Variants in DHX9 observed in about 807,000 individuals in gnomAD.
DHX9 encodes the protein DExH-box helicase 9, also known as ATP-dependent RNA helicase A.
DHX9 carries 27 observed loss-of-function variants against 148.7 expected under a neutral mutation model. The ratio of observed to expected loss-of-function variants is 0.18; its 90% confidence interval spans 0.13 to 0.25. The LOEUF (loss-of-function observed/expected upper bound fraction) is 0.25, where lower values mean the gene tolerates loss of function less well. DHX9 is among the 10% of genes least tolerant of loss of function. DHX9 has a pLI of 1.00. For missense variants in DHX9, 796 were observed against 1,559.6 expected, an observed-to-expected ratio of 0.51 and a Z score of 8.25; for synonymous variants, 529 against 516.6, an observed-to-expected ratio of 1.02 and a Z score of -0.33.
At chr1:182,871,856 C>G (rs1648566183) in intron 14 of DHX9, among the ~76,000 whole-genome samples, 1 of 152,164 alleles carries the variant, frequency 6.6e-6, no homozygotes, top group Admixed American at 6.5e-5. Context: ...AGTTTGAGAC[C>G]AGCCTGGCCA....
chr1:182,881,211 C>A, intron 22 of DHX9, 53 bp from the exon 23 acceptor site: 1 of 1,563,378 alleles, frequency 6.4e-7, no homozygotes. Flanking sequence ...ACCTGAGCTG[C>A]TGGCAACAAC....
At chr1:182,882,381 C>A (rs1238396558) in intron 24 of DHX9, among the ~76,000 whole-genome samples, 2 of 152,212 alleles carry the variant, frequency 1.3e-5, no homozygotes, top group African/African-American at 2.4e-5. Context: ...GTCATGCTTT[C>A]CAGTCAGTAG....
chr1:182,850,858 T>A (rs1033680937), intron 3 of DHX9, among the ~76,000 whole-genome samples: 1 of 152,210 alleles, frequency 6.6e-6, no homozygotes, highest in African/African-American at 2.4e-5. Context: ...CCTCACCTAT[T>A]TTAATTGATT....
chr1:182,846,479 C>T (rs889543353), intron 3 of DHX9, among the ~76,000 whole-genome samples: 12 of 152,220 alleles, frequency 7.9e-5, no homozygotes, highest in Non-Finnish European at 1.5e-4. Context: ...GGTTATCTGC[C>T]CGCCTTGGCC....
At chr1:182,852,201 A>C (rs755361680) in intron 3 of DHX9, 32 bp from the exon 4 acceptor site, 2 of 1,492,308 alleles carry the variant, frequency 1.3e-6, no homozygotes, top group African/African-American at 2.8e-5. Flanking sequence ...AGGCAAAAGC[A>C]CTGACAGCTG....
chr1:182,881,812 GTA>G (rs1251046303), intron 24 of DHX9, among the ~76,000 whole-genome samples, 165 bp downstream of exon 24: 1 of 152,194 alleles, frequency 6.6e-6, no homozygotes, highest in Non-Finnish European at 1.5e-5. Flanking sequence ...CCCAGAATGA[GTA>G]CTTTGCTGAT....
chr1:182,858,699 A>T (rs1043251167), intron 9 of DHX9, 34 bp from the exon 10 acceptor site: 1 of 1,612,806 alleles, frequency 6.2e-7, no homozygotes, highest in African/African-American at 1.3e-5. Context: ...CAAGCAAATC[A>T]TATTTTTTGT....
At chr1:182,842,163 A>G (rs985501653) in intron 1 of DHX9, among the ~76,000 whole-genome samples, 1 of 152,186 alleles carries the variant, frequency 6.6e-6, no homozygotes, top group African/African-American at 2.4e-5. Flanking sequence ...AGTACCCACC[A>G]TATCTGTGTG....
At chr1:182,851,540 AAAT>A (rs1467957626) in intron 3 of DHX9, among the ~76,000 whole-genome samples, 2 of 152,342 alleles carry the variant, frequency 1.3e-5, no homozygotes, top group African/African-American at 2.4e-5. Context: ...TAGAAAGTAA[AAAT>A]AAGTCAAATT....
Position 182,874,847 on chromosome 1 carries a change from C to G in DHX9, c.1715-7C>G. 1 of 1,605,312 alleles carries G rather than the reference C, an allele frequency of 6.2e-7. No individual in the cohort carries two copies. Among genetic ancestry groups the G allele is most frequent in the South Asian group, 1.1e-5 (1 of 90,830 alleles). Reference sequence around the variant, plus strand: ...AGTACTTAACCTGACTGGATTGTCCCTGGCAGAATATTTTCTGGAAGACTG... The same window carrying G: ...AGTACTTAACCTGACTGGATTGTCCGTGGCAGAATATTTTCTGGAAGACTG... On this transcript the variant is annotated splice_polypyrimidine_tract_variant and splice_region_variant and intron_variant, in intron 15 of 27. Transcript: ENST00000367549.
intron 14 of DHX9, among the ~76,000 whole-genome samples, chr1:182,870,587 G>A (rs918910476): frequency 1.7e-4 from 26 of 152,176 alleles, no homozygotes; most frequent in African/African-American, 6.0e-4. Flanking sequence ...GAAACTAATG[G>A]TTATTTCAAA....
At chr1:182,879,787 G>A (rs1216599969) in intron 21 of DHX9, among the ~76,000 whole-genome samples, 1 of 151,964 alleles carries the variant, frequency 6.6e-6, no homozygotes, top group Non-Finnish European at 1.5e-5. Flanking sequence ...GTGCAGTGGC[G>A]TGATCTCAGC....
At chr1:182,844,481 CTG>C (rs1667990095) in intron 3 of DHX9, among the ~76,000 whole-genome samples, 1 of 152,180 alleles carries the variant, frequency 6.6e-6, no homozygotes, top group African/African-American at 2.4e-5. Context: ...GTAGCTGGGA[CTG>C]TGGGTGTGTG....
Position 182,859,015 on chromosome 1 carries a change from A to T in DHX9, c.1063-25A>T, listed in dbSNP as rs1460924087. The T allele has an allele frequency of 1.9e-6, 3 of 1,612,592 alleles. No individual in the cohort carries two copies. The African/African-American group carries it at 4.0e-5, about 22-fold the overall frequency. On this transcript the variant is annotated intron_variant, in intron 10 of 27. Transcript: ENST00000367549. ...AAGCTGAATTATGTGCTTTTGTTTG[A>T]CTATGTTGGCTTTTTGTTTTACAGG...
At chr1:182,851,710 G>A (rs1240978086) in intron 3 of DHX9, among the ~76,000 whole-genome samples, 2 of 152,148 alleles carry the variant, frequency 1.3e-5, no homozygotes, top group African/African-American at 4.8e-5. Context: ...TTATGTAACA[G>A]CACATCTGAG....
At chr1:182,858,927 T>G in intron 10 of DHX9, 33 bp downstream of exon 10, 1 of 1,612,806 alleles carries the variant, frequency 6.2e-7, no homozygotes, top group Admixed American at 1.7e-5. Flanking sequence ...GATCAGAGTC[T>G]TGTGTTTTAC....
At chr1:182,859,174 G>A in intron 11 of DHX9, 57 bp downstream of exon 11, 1 of 1,508,234 alleles carries the variant, frequency 6.6e-7, no homozygotes, top group Non-Finnish European at 9.2e-7. Context: ...TTCTAGGTAT[G>A]GGTAAAAAGT....
chr1:182,874,900 A>G lies in DHX9; in HGVS notation c.1761A>G (p.Pro587=). Residue 587 remains proline, a synonymous_variant, in exon 16 of 28, where the codon CCA becomes CCG. Coordinates refer to ENST00000367549, the MANE Select transcript of DHX9 (RefSeq NM_001357.5). ...TTCAGATGACCCACTTTGTTCCTCC[A>G]CCAAAAGACAAAAAGAAGAAGGATA... ...DCIQMTHFVP[P]PKDKKKKDKD... is the part of the protein sequence containing the mutation. 3 of 1,613,452 alleles carry G rather than the reference A, an allele frequency of 1.9e-6. No homozygotes were observed. Among genetic ancestry groups the G allele is most frequent in the Non-Finnish European group, 2.5e-6 (3 of 1,179,586 alleles).
intron 24 of DHX9, 121 bp downstream of exon 24, chr1:182,881,768 C>A: frequency 9.4e-7 from 1 of 1,069,388 alleles, no homozygotes; most frequent in Non-Finnish European, 1.3e-6. Flanking sequence ...ATATTCCCGA[C>A]TATTTCTTAG....
Sources: allele counts gnomAD v4.1 joint callset (sites outside exome capture counted in the v4.1 genomes callset), GRCh38; gene constraint gnomAD v4.1.1; transcripts MANE v1.5; gene names NCBI Gene and HGNC (gene_info 2026-07-23, HGNC 2026-07-21).